HNF4G: variants seen among roughly 807,000 people sequenced by gnomAD.
HNF4G encodes hepatocyte nuclear factor 4-gamma.
A neutral mutation model predicts 50.9 loss-of-function variants in HNF4G; 21 were observed. That is an observed-to-expected ratio of 0.41 (90% CI 0.29 to 0.59). The LOEUF (loss-of-function observed/expected upper bound fraction) is 0.59, where lower values mean the gene tolerates loss of function less well. Among genes scored for constraint, HNF4G ranks in the 20% least tolerant of loss-of-function variants. HNF4G has a pLI of 0.26. For missense variants in HNF4G, 527 were observed against 559.4 expected (o/e 0.94, Z 0.58); for synonymous variants, 198 against 185.6 (o/e 1.07, Z -0.54).
At chr8:75,560,681 C>T (rs1807285515) in intron 9 of HNF4G, among the ~76,000 whole-genome samples, 1 of 152,082 alleles carries the variant, frequency 6.6e-6, no homozygotes, top group East Asian at 1.9e-4. Flanking sequence ...AAAAATCTTT[C>T]TACTTCATAG....
intron 1 of HNF4G, among the ~76,000 whole-genome samples, chr8:75,481,565 C>T (rs76008031): frequency 0.021 from 3,174 of 152,110 alleles, 102 homozygotes; most frequent in East Asian, 0.15. Context: ...TCTGTCATTC[C>T]TACAGGAGCT....
chr8:75,443,329 A>C (rs1416865759), intron 1 of HNF4G, among the ~76,000 whole-genome samples: 1 of 152,198 alleles, frequency 6.6e-6, no homozygotes, highest in African/African-American at 2.4e-5. Context: ...TATTTTAATC[A>C]AATCACTTAA....
chr8:75,423,583 G>T (rs1177263139), intron 1 of HNF4G, among the ~76,000 whole-genome samples: 1 of 151,392 alleles, frequency 6.6e-6, no homozygotes, highest in Non-Finnish European at 1.5e-5. Flanking sequence ...GTAGAGACGG[G>T]GTTTCACCTT....
At chr8:75,465,202 A>C (rs1288642569) in intron 1 of HNF4G, among the ~76,000 whole-genome samples, 1 of 152,158 alleles carries the variant, frequency 6.6e-6, no homozygotes, top group South Asian at 2.1e-4. Context: ...CCTCATATAG[A>C]CTCTATGCAA....
intron 2 of HNF4G, among the ~76,000 whole-genome samples, chr8:75,520,790 A>G (rs1205324056): frequency 2.6e-5 from 4 of 151,712 alleles, no homozygotes; most frequent in Admixed American, 2.6e-4. Context: ...TTTTTCTTCT[A>G]CTATCTCTTT....
At chr8:75,472,362 C>T (rs184713750) in intron 1 of HNF4G, among the ~76,000 whole-genome samples, 35 of 152,182 alleles carry the variant, frequency 2.3e-4, no homozygotes, top group African/African-American at 8.2e-4. Context: ...CCTTCCTGGC[C>T]CACTTTGAAA....
At chr8:75,504,450 C>T (rs2943609) in intron 2 of HNF4G, among the ~76,000 whole-genome samples, 42,640 of 151,968 alleles carry the variant, frequency 0.28, 7,455 homozygotes, top group African/African-American at 0.5. Context: ...AAGTTACAAG[C>T]ATTTTAATAA....
chr8:75,544,222 G>A (rs558964304), intron 2 of HNF4G, among the ~76,000 whole-genome samples: 1 of 152,250 alleles, frequency 6.6e-6, no homozygotes, highest in East Asian at 1.9e-4. Flanking sequence ...CTACCACCCA[G>A]CTTAGACCAA....
intron 2 of HNF4G, among the ~76,000 whole-genome samples, chr8:75,506,788 G>T (rs2130716690): frequency 6.6e-6 from 1 of 152,246 alleles, no homozygotes; most frequent in Non-Finnish European, 1.5e-5. Flanking sequence ...AGACAATTTT[G>T]TGATAGAGTG....
At chr8:75,481,349 T>C (rs1389716005) in intron 1 of HNF4G, among the ~76,000 whole-genome samples, 1 of 152,208 alleles carries the variant, frequency 6.6e-6, no homozygotes, top group Non-Finnish European at 1.5e-5. Flanking sequence ...ACTCCAGACT[T>C]TTCATGGAAT....
chr8:75,564,433 G>A lies in HNF4G; in HGVS notation c.*337G>A, dbSNP rs1465730768. 1.7e-5 allele frequency: 3 copies of A among 177,198 alleles called. No homozygotes were observed. The highest frequency in any genetic ancestry group is 3.6e-5 in the Non-Finnish European group (3 of 84,334). 11.0% of individuals were successfully genotyped at this position (177,198 alleles called of 1,614,324 possible). On this transcript the variant is annotated 3_prime_UTR_variant, in exon 10 of 10. Coordinates refer to ENST00000396423, the MANE Select transcript of HNF4G (RefSeq NM_004133.5). ...TAAATCTGTAAATAATTGCTTTATT[G>A]TGATGTGATACAGAACAAAGTGTTC...
At chr8:75,452,610 T>A (rs1811612033) in intron 1 of HNF4G, among the ~76,000 whole-genome samples, 1 of 151,168 alleles carries the variant, frequency 6.6e-6, no homozygotes, top group South Asian at 2.1e-4. Context: ...TCCCAGCTAC[T>A]TGGGAGGCTG....
chr8:75,502,615 T>A (rs1189948888), intron 2 of HNF4G, among the ~76,000 whole-genome samples: 1 of 152,188 alleles, frequency 6.6e-6, no homozygotes, highest in East Asian at 1.9e-4. Flanking sequence ...GTAATACTAC[T>A]CTTACCATTC....
chr8:75,478,944 A>T (rs1812307669), intron 1 of HNF4G, among the ~76,000 whole-genome samples: 1 of 152,042 alleles, frequency 6.6e-6, no homozygotes, highest in Non-Finnish European at 1.5e-5. Context: ...CTGGTCTCGA[A>T]CTCCCGACCT....
chr8:75,512,245 G>GC (rs1053014463), intron 2 of HNF4G, among the ~76,000 whole-genome samples: 1 of 151,576 alleles, frequency 6.6e-6, no homozygotes, highest in Admixed American at 6.6e-5. Context: ...AATGCTAGCA[G>GC]CAATTTTATG....
chr8:75,510,095 A>C (rs1805710438), intron 2 of HNF4G, among the ~76,000 whole-genome samples: 2 of 152,132 alleles, frequency 1.3e-5, no homozygotes, highest in Admixed American at 1.3e-4. Context: ...TGGGGGTGGA[A>C]GGCAGTGATA....
At chr8:75,549,997 A>G (rs767936444) in intron 3 of HNF4G, among the ~76,000 whole-genome samples, 1 of 152,104 alleles carries the variant, frequency 6.6e-6, no homozygotes, top group Non-Finnish European at 1.5e-5. Context: ...ATTTACTATG[A>G]CAAACCCACA....
At chr8:75,555,088 T>A (rs1014663731) in intron 5 of HNF4G, among the ~76,000 whole-genome samples, 3 of 152,158 alleles carry the variant, frequency 2.0e-5, no homozygotes, top group African/African-American at 7.2e-5. Flanking sequence ...GTTTGACGAG[T>A]TTGGATTTCA....
At position 75,430,119 on chromosome 8, in the gene HNF4G, C is replaced by A. The variant is rs74765994; in HGVS notation, c.-144+21957C>A. On this transcript the variant is annotated intron_variant, in intron 1 of 10. Transcript: ENST00000354370. The stretch of plus-strand genomic sequence containing the variant: ...TGAGCCGAGTTCGCACCACTACACT[C>A]CAGCCTGGTCAACAGAACGAGATCT... 5.0e-3 allele frequency among the ~76,000 whole-genome samples: 756 copies of A among 151,578 alleles called. 13 individuals are homozygous for A. Among genetic ancestry groups the A allele is most frequent in the African/African-American group, 0.018 (731 of 41,318 alleles).
Sources: allele counts gnomAD v4.1 joint callset (sites outside exome capture counted in the v4.1 genomes callset), GRCh38; gene constraint gnomAD v4.1.1; transcripts MANE v1.5; gene names NCBI Gene and HGNC (gene_info 2026-07-23, HGNC 2026-07-21).